CTNNA1: variants seen among roughly 807,000 people sequenced by gnomAD.
CTNNA1 encodes catenin alpha 1.
A neutral mutation model predicts 98.4 loss-of-function variants in CTNNA1; 37 were observed. The observed-to-expected ratio is 0.38, with a 90% CI of 0.29 to 0.49. CTNNA1 has a LOEUF of 0.49. Among genes scored for constraint, CTNNA1 ranks in the 20% least tolerant of loss-of-function variants. The pLI is 0.95. For missense variants in CTNNA1, 761 were observed against 1,147.2 expected, an observed-to-expected ratio of 0.66 and a Z score of 4.86; for synonymous variants, 404 against 413.2, an observed-to-expected ratio of 0.98 and a Z score of 0.27.
chr5:138,794,199 T>C (rs1015400686), intron 3 of CTNNA1, among the ~76,000 whole-genome samples: 2 of 152,116 alleles, frequency 1.3e-5, no homozygotes. Flanking sequence ...GTATTTTTAG[T>C]AGAGACAGGG....
In CTNNA1 at chr5:138,929,324, G is replaced by A; in HGVS notation, c.1978G>A (p.Asp660Asn). 6.2e-7 allele frequency: 1 copy of A among 1,609,960 alleles called. No homozygotes were observed. Among genetic ancestry groups the A allele is most frequent in the Non-Finnish European group, 8.5e-7 (1 of 1,176,206 alleles). ...AAGCAGGACGAGCGTCCAGACAGAAGACGATCAGCTGATAGCTGGCCAGAG... is the reference window on the plus strand; with the variant it reads ...AAGCAGGACGAGCGTCCAGACAGAAAACGATCAGCTGATAGCTGGCCAGAG... ...VRSRTSVQTE[D>N]DQLIAGQSAR... Residue 660 changes from aspartate (D) to asparagine (N), a missense_variant, in exon 14 of 18, where the codon GAC (aspartate) becomes AAC (asparagine). This residue lies in a region of CTNNA1 where 77 missense variants were observed against 198.8 expected (regional missense o/e 0.39). Transcript: ENST00000302763.
rs368454315 is a variant in CTNNA1 at position 138,845,356 on chromosome 5, G to A, written c.1062+17638G>A. Among the ~76,000 whole-genome samples, 54 of 152,236 alleles carry A rather than the reference G, an allele frequency of 3.5e-4. No individual in the cohort carries two copies. The South Asian group carries it at 4.4e-3, about 12-fold the overall frequency. On this transcript the variant is annotated intron_variant, in intron 7 of 17. Coordinates refer to ENST00000302763, the MANE Select transcript of CTNNA1 (RefSeq NM_001903.5). ...AGAATCCGGTGAATCAACAGTTTTA[G>A]GGGGTGTATATTTAATGTGGGTGGA...
intron 7 of CTNNA1, among the ~76,000 whole-genome samples, chr5:138,832,795 C>T (rs1210972626): frequency 6.6e-6 from 1 of 152,128 alleles, no homozygotes; most frequent in Non-Finnish European, 1.5e-5. Flanking sequence ...TTAAAACAGT[C>T]TGCTGTCTGG....
At chr5:138,922,720 G>A (rs1459461594) in intron 11 of CTNNA1, among the ~76,000 whole-genome samples, 1 of 152,172 alleles carries the variant, frequency 6.6e-6, no homozygotes, top group East Asian at 1.9e-4. Context: ...GTTCAGTTGT[G>A]GAGAGCAGGC....
intron 7 of CTNNA1, among the ~76,000 whole-genome samples, chr5:138,882,533 GT>G (rs1399696788): frequency 6.6e-6 from 1 of 152,206 alleles, no homozygotes; most frequent in Non-Finnish European, 1.5e-5. Context: ...GATGATATTT[GT>G]TTCGTGCAGT....
At chr5:138,918,987 C>T (rs1388398762) in intron 11 of CTNNA1, among the ~76,000 whole-genome samples, 1 of 152,230 alleles carries the variant, frequency 6.6e-6, no homozygotes, top group Non-Finnish European at 1.5e-5. Flanking sequence ...TGTCTTCACA[C>T]TCTCTCCTTA....
intron 10 of CTNNA1, among the ~76,000 whole-genome samples, chr5:138,911,741 A>G (rs957235608): frequency 6.6e-6 from 1 of 152,236 alleles, no homozygotes; most frequent in Non-Finnish European, 1.5e-5. Flanking sequence ...AAGCCACTAC[A>G]TTTGTGGTAA....
chr5:138,934,990 C>CACTA lies in CTNNA1; in HGVS notation c.*909_*912dup, dbSNP rs761142661. The CACTA allele has an allele frequency of 2.6e-5, 4 of 152,330 alleles. No homozygotes were observed. Among genetic ancestry groups the CACTA allele is most frequent in the South Asian group, 2.1e-4 (1 of 4,826 alleles). 9.4% of individuals were successfully genotyped at this position (152,330 alleles called of 1,614,324 possible). A position where few individuals can be genotyped will look rare whatever the true frequency, so the allele number is the denominator to read the frequency against. ...TATGAATTAATTTGAATGTTTTTTA[C>CACTA]ACTAACTAACTTTTCCCAATAAAGT... is the stretch of plus-strand genomic sequence containing the variant. On this transcript the variant is annotated 3_prime_UTR_variant, in exon 18 of 18. Transcript: ENST00000302763.
intron 1 of CTNNA1, among the ~76,000 whole-genome samples, chr5:138,774,645 G>A (rs1338838936): frequency 6.6e-6 from 1 of 151,176 alleles, no homozygotes; most frequent in Admixed American, 6.6e-5. Context: ...TTTTTGAGGC[G>A]GAGTCTCGCT....
intron 7 of CTNNA1, among the ~76,000 whole-genome samples, chr5:138,858,149 C>T (rs1283974324): frequency 6.8e-6 from 1 of 148,128 alleles, no homozygotes; most frequent in Non-Finnish European, 1.5e-5. Context: ...TTTTTTGAGA[C>T]AGGTTCTTGC....
chr5:138,874,366 G>A lies in CTNNA1; in HGVS notation c.1063-11846G>A, dbSNP rs756921729. 10 of 1,613,850 alleles carry A rather than the reference G, an allele frequency of 6.2e-6. No individual in the cohort carries two copies. In the African/African-American group the frequency reaches 1.3e-4, roughly 22 times the overall value. ...TGATGTGATTGTGCCTCAGGGACAGGCCCAGAGAGCCCTTGTCTGTGGCGT... is the reference window on the plus strand; with the variant it reads ...TGATGTGATTGTGCCTCAGGGACAGACCCAGAGAGCCCTTGTCTGTGGCGT... On this transcript the variant is annotated intron_variant, in intron 7 of 17. Transcript: ENST00000302763. The surrounding 1 kb of genome is among the most constrained non-coding windows in gnomAD (Gnocchi z 4.1).
At chr5:138,803,156 A>G (rs1379646367) in intron 3 of CTNNA1, among the ~76,000 whole-genome samples, 1 of 150,962 alleles carries the variant, frequency 6.6e-6, no homozygotes, top group East Asian at 2.0e-4. Context: ...GTAATGGGCC[A>G]AATTTTTTTT....
At chr5:138,931,720 A>G in intron 16 of CTNNA1, 1 of 985,446 alleles carries the variant, frequency 1.0e-6, no homozygotes, top group South Asian at 4.7e-5. Context: ...TTCTGCATCC[A>G]GCTGTCAATA....
At chr5:138,766,303 T>C (rs1048630736) in intron 1 of CTNNA1, among the ~76,000 whole-genome samples, 1 of 152,138 alleles carries the variant, frequency 6.6e-6, no homozygotes, top group Admixed American at 6.6e-5. Context: ...GGAACAGTCT[T>C]GTGTATAGAT....
chr5:138,794,259 G>A (rs1002355924), intron 3 of CTNNA1, among the ~76,000 whole-genome samples: 3 of 151,814 alleles, frequency 2.0e-5, no homozygotes, highest in Non-Finnish European at 4.4e-5. Flanking sequence ...TCAGGTGATC[G>A]GCCTGCCTTG....
chr5:138,782,441 A>G (rs138051795), intron 2 of CTNNA1: 3 of 370,458 alleles, frequency 8.1e-6, no homozygotes, highest in African/African-American at 2.1e-5. Flanking sequence ...GTATGCTACA[A>G]ATGTCACAAT....
rs1758505566 is a variant in CTNNA1, at chr5:138,809,981, G to A, written c.302-57G>A. 4 of 1,532,810 alleles carry A rather than the reference G, an allele frequency of 2.6e-6. No homozygotes were observed. In the African/African-American group the frequency reaches 4.1e-5, roughly 16 times the overall value. The allele number at this position is 1,532,810 out of a possible 1,614,324, so 95.0% of individuals were successfully genotyped here. A position where few individuals can be genotyped will look rare whatever the true frequency, so the allele number is the denominator to read the frequency against. On this transcript the variant is annotated intron_variant, in intron 3 of 17. Coordinates refer to ENST00000302763, the MANE Select transcript of CTNNA1 (RefSeq NM_001903.5). ...GGATTATTTTTATATTTTTAAAAAT[G>A]TAGATCAGTTATTTGAGTTCATTCT... is the stretch of plus-strand genomic sequence containing the variant.
chr5:138,774,652 C>T (rs913608261), intron 1 of CTNNA1, among the ~76,000 whole-genome samples: 3 of 151,318 alleles, frequency 2.0e-5, no homozygotes, highest in East Asian at 1.9e-4. Flanking sequence ...GGCGGAGTCT[C>T]GCTCTGTCGC....
intron 7 of CTNNA1, among the ~76,000 whole-genome samples, chr5:138,885,538 C>G (rs1055256714): frequency 2.0e-5 from 3 of 152,148 alleles, no homozygotes; most frequent in African/African-American, 7.2e-5. Flanking sequence ...GTTACCCTGG[C>G]AAATCTCGAC....
Sources: allele counts gnomAD v4.1 joint callset (sites outside exome capture counted in the v4.1 genomes callset), GRCh38; gene constraint gnomAD v4.1.1; regional missense constraint gnomAD v4.1.1; non-coding constraint Gnocchi (gnomAD v3.1); transcripts MANE v1.5; gene names NCBI Gene and HGNC (gene_info 2026-07-23, HGNC 2026-07-21).